Variants in DNAH9 observed in about 807,000 individuals in gnomAD.
DNAH9 encodes the protein DNAH9 variant protein.
Under a neutral mutation model 471.6 loss-of-function variants are expected in DNAH9, and 345 were observed. The ratio of observed to expected loss-of-function variants is 0.73; its 90% CI spans 0.67 to 0.80. The LOEUF is 0.80. Among genes scored for constraint, DNAH9 ranks in the 30% least tolerant of loss-of-function variants. DNAH9 has a pLI of 0.00. For synonymous variants in DNAH9, 2,093 were observed against 2,123.6 expected, an observed-to-expected ratio of 0.99 and a Z score of 0.40; for missense variants, 5,407 against 5,609.2, an observed-to-expected ratio of 0.96 and a Z score of 1.15.
chr17:11,599,959 AAGTTG>A (rs1310876470), intron 1 of DNAH9, among the ~76,000 whole-genome samples: 1 of 152,144 alleles, frequency 6.6e-6, no homozygotes, highest in African/African-American at 2.4e-5. Flanking sequence ...GCTTACCTAA[AAGTTG>A]GCCCCACTGC....
chr17:11,921,012 G>A (rs9893878), intron 61 of DNAH9, among the ~76,000 whole-genome samples: 28,345 of 151,828 alleles, frequency 0.19, 2,705 homozygotes, highest in East Asian at 0.27. Context: ...ATGGTGGCGG[G>A]CACCTGTAAT....
At chr17:11,759,926 T>A (rs534340919) in intron 35 of DNAH9, among the ~76,000 whole-genome samples, 1 of 152,288 alleles carries the variant, frequency 6.6e-6, no homozygotes, top group South Asian at 2.1e-4. Flanking sequence ...GACCTTGTGA[T>A]GTGGCCGCCT....
At position 11,623,471 on chromosome 17, in the gene DNAH9, C is replaced by T. The variant is rs549440982; in HGVS notation, c.1350+3690C>T. ...CCCTTTTCCTCATATTTCCTCCCCTCTTTTATTTTTAATCTCCCAAATGTC... is the reference window on the plus strand; with the variant it reads ...CCCTTTTCCTCATATTTCCTCCCCTTTTTTATTTTTAATCTCCCAAATGTC... On this transcript the variant is annotated intron_variant, in intron 6 of 68. Transcript: ENST00000262442. The surrounding 1 kb of genome is among the most constrained non-coding windows in gnomAD (Gnocchi z 4.1). Among the ~76,000 whole-genome samples, 110 of 152,240 alleles carry T rather than the reference C, an allele frequency of 7.2e-4. No homozygotes were observed. The highest frequency in any genetic ancestry group is 1.0e-3 in the South Asian group (5 of 4,820).
chr17:11,744,839 G>T lies in DNAH9; in HGVS notation c.6154G>T (p.Val2052Leu). The change falls in exon 31 of 69, where the codon GTG (valine) becomes TTG (leucine). Residue 2052 changes from valine to leucine, a missense_variant. Val to Leu is a conservative substitution (Grantham distance 32, BLOSUM62 1). This residue lies in a region of DNAH9 where 4,636 missense variants were observed against 4,900.3 expected (regional missense o/e 0.95). Coordinates refer to ENST00000262442, the MANE Select transcript of DNAH9 (RefSeq NM_001372.4). ...CCTACGGGCCATCAAGTCCGTGCTG[G>T]TGGTGGCAGGATCCCTGAAGAGAGG... is the stretch of plus-strand genomic sequence containing the variant. ...WGLRAIKSVL[V>L]VAGSLKRGDP... The T allele has an allele frequency of 9.3e-6, 15 of 1,614,164 alleles. No individual in the cohort carries two copies. The highest frequency in any genetic ancestry group is 1.3e-5 in the African/African-American group (1 of 75,052).
intron 27 of DNAH9, among the ~76,000 whole-genome samples, chr17:11,723,815 C>T (rs1276717767): frequency 6.6e-6 from 1 of 151,916 alleles, no homozygotes; most frequent in Non-Finnish European, 1.5e-5. Flanking sequence ...CTACAGGCGC[C>T]CGCCACCACG....
intron 38 of DNAH9, among the ~76,000 whole-genome samples, chr17:11,771,185 T>C (rs781621618): frequency 2.6e-5 from 4 of 152,176 alleles, no homozygotes; most frequent in Non-Finnish European, 4.4e-5. Context: ...TGGAGTGCAG[T>C]GGCATGAGGC....
At chr17:11,856,562 C>T (rs9303040) in intron 50 of DNAH9, among the ~76,000 whole-genome samples, 137,111 of 148,816 alleles carry the variant, frequency 0.92, 63,574 homozygotes, top group Non-Finnish European at 0.95. Context: ...AAAAATTAGC[C>T]GGGCGTGGTG....
chr17:11,880,306 T>C, intron 54 of DNAH9, 106 bp downstream of exon 54: 3 of 1,423,794 alleles, frequency 2.1e-6, no homozygotes, highest in Admixed American at 3.8e-5. Context: ...CTTCAGTTCA[T>C]GTCAAGTAGC....
chr17:11,898,107 C>T (rs1257616401), intron 59 of DNAH9, among the ~76,000 whole-genome samples: 1 of 148,690 alleles, frequency 6.7e-6, no homozygotes, highest in East Asian at 2.0e-4. Context: ...GAGTCTCTGC[C>T]TTTCCACTTC....
chr17:11,653,474 ATGCTGTAAAGCTCTGCCC>A (rs1409279225), intron 14 of DNAH9, among the ~76,000 whole-genome samples: 1 of 152,222 alleles, frequency 6.6e-6, no homozygotes, highest in East Asian at 1.9e-4. Flanking sequence ...GCTACACTTC[ATGCTGTAAAGCTCTGCCC>A]TGCATTAGTG....
intron 44 of DNAH9, 84 bp downstream of exon 44, chr17:11,807,978 T>A (rs757746417): frequency 7.0e-7 from 1 of 1,422,074 alleles, no homozygotes; most frequent in Non-Finnish European, 9.5e-7. Context: ...CGTTCTCCAG[T>A]TCCCCTGTCT....
intron 48 of DNAH9, among the ~76,000 whole-genome samples, chr17:11,831,283 G>A (rs1461196645): frequency 6.6e-6 from 1 of 152,158 alleles, no homozygotes; most frequent in Admixed American, 6.5e-5. Context: ...TCTTTTCATG[G>A]TGGAAGGGAA....
At chr17:11,771,207 C>A (rs566915938) in intron 38 of DNAH9, among the ~76,000 whole-genome samples, 74 of 152,248 alleles carry the variant, frequency 4.9e-4, no homozygotes, top group Admixed American at 1.7e-3. Context: ...TGGCTCACTG[C>A]AACCTCTGCC....
intron 30 of DNAH9, among the ~76,000 whole-genome samples, chr17:11,743,611 AT>A (rs1162969775): frequency 6.6e-6 from 1 of 152,024 alleles, no homozygotes; most frequent in African/African-American, 2.4e-5. Context: ...ATCTCCATTG[AT>A]CTTTTCTGAG....
intron 63 of DNAH9, 104 bp downstream of exon 63, chr17:11,930,197 T>C: frequency 9.7e-7 from 1 of 1,034,892 alleles, no homozygotes; most frequent in Non-Finnish European, 1.4e-6. Flanking sequence ...CGGGTGCTGG[T>C]TGGGCTACGG....
rs776858112 is a variant in DNAH9, at chr17:11,881,246, C to T, written c.10639C>T (p.Pro3547Ser). The T allele has an allele frequency of 1.9e-6, 3 of 1,614,038 alleles. No individual in the cohort carries two copies. The African/African-American group carries it at 4.0e-5, about 22-fold the overall frequency. Residue 3547 changes from proline to serine, a missense_variant, in exon 55 of 69, where the codon CCC becomes TCC. Pro to Ser is a moderately conservative substitution (Grantham distance 74). Around this residue, in one of 3 missense-constraint regions of DNAH9, gnomAD observed 4,636 missense variants for 4,900.3 expected, o/e 0.95. Coordinates refer to ENST00000262442, the MANE Select transcript of DNAH9 (RefSeq NM_001372.4). Reference protein sequence around the residue: ...KIGDKECEYNPKFRLILHTKL... With the variant: ...KIGDKECEYNSKFRLILHTKL... The stretch of plus-strand genomic sequence containing the variant: ...TGGAGACAAAGAATGTGAATACAAT[C>T]CCAAGTTCCGGCTCATCCTCCACAC...
At chr17:11,905,936 C>A in intron 61 of DNAH9, 127 bp downstream of exon 61, 1 of 1,229,790 alleles carries the variant, frequency 8.1e-7, no homozygotes, top group Non-Finnish European at 1.1e-6. Flanking sequence ...ATACAGAAGT[C>A]AGGGTCATTG....
At chr17:11,917,717 A>C (rs1974002459) in intron 61 of DNAH9, among the ~76,000 whole-genome samples, 1 of 152,208 alleles carries the variant, frequency 6.6e-6, no homozygotes. Context: ...AGATGTGAAA[A>C]GGCTTTGAAA....
chr17:11,617,232 T>C (rs1353007086), intron 4 of DNAH9, among the ~76,000 whole-genome samples, 179 bp from the exon 5 acceptor site: 1 of 152,128 alleles, frequency 6.6e-6, no homozygotes, highest in Non-Finnish European at 1.5e-5. Context: ...CAGATCATTA[T>C]CCTAGTTGTT....
Sources: allele counts gnomAD v4.1 joint callset (sites outside exome capture counted in the v4.1 genomes callset), GRCh38; gene constraint gnomAD v4.1.1; regional missense constraint gnomAD v4.1.1; non-coding constraint Gnocchi (gnomAD v3.1); transcripts MANE v1.5; gene names NCBI Gene and HGNC (gene_info 2026-07-23, HGNC 2026-07-21).